KIF13A: variants seen among roughly 807,000 people sequenced by gnomAD.
KIF13A encodes the protein kinesin family member 13A, also known as kinesin-like protein KIF13A.
KIF13A carries 79 observed loss-of-function variants against 212.2 expected under a neutral mutation model. The ratio of observed to expected loss-of-function variants is 0.37; its 90% CI spans 0.31 to 0.45. The LOEUF is 0.45. Ranked by LOEUF, KIF13A falls within the 20% of genes least tolerant of loss-of-function variation. The pLI is 1.00. For missense variants in KIF13A, 1,901 were observed against 2,209.0 expected (o/e 0.86, Z 2.79); for synonymous variants, 789 against 808.6 (o/e 0.98, Z 0.41).
chr6:17,925,140 G>A (rs1008106492), intron 2 of KIF13A, among the ~76,000 whole-genome samples: 2 of 152,184 alleles, frequency 1.3e-5, no homozygotes, highest in Admixed American at 6.5e-5. Context: ...ATATCCAAGC[G>A]GAGGGACAGA....
chr6:17,979,037 C>T (rs1479785968), intron 2 of KIF13A, among the ~76,000 whole-genome samples: 2 of 152,186 alleles, frequency 1.3e-5, no homozygotes, highest in African/African-American at 4.8e-5. Context: ...GTAATCCCAG[C>T]ACTTTGGGAG....
Position 17,855,386 on chromosome 6 carries a change from T to C in KIF13A, c.494+51A>G. The C allele has an allele frequency of 7.4e-7, 1 of 1,348,862 alleles. No homozygotes were observed. Among genetic ancestry groups the C allele is most frequent in the African/African-American group, 1.5e-5 (1 of 68,262 alleles). 83.6% of individuals were successfully genotyped at this position (1,348,862 alleles called of 1,614,324 possible). On this transcript the variant is annotated intron_variant, in intron 6 of 38. Coordinates refer to ENST00000259711, the MANE Select transcript of KIF13A (RefSeq NM_022113.6). The surrounding 1 kb of genome is among the most constrained non-coding windows in gnomAD (Gnocchi z 4.1). ...ACTTCCAATTTTAACTTTAGAATCA[T>C]TTAAAATTATCTCCCCCTATTAACA...
At chr6:17,801,213 C>T (rs146084291) in intron 20 of KIF13A, among the ~76,000 whole-genome samples, 45 of 152,000 alleles carry the variant, frequency 3.0e-4, no homozygotes, top group African/African-American at 1.0e-3. Flanking sequence ...ACTAACAGGC[C>T]AGGCGTGGTG....
In KIF13A at chr6:17,872,581, T is replaced by C. The variant is rs571036822; in HGVS notation, c.220+796A>G. ...TTAGCCATTCCATAATATATACATATTTCAAAACATCACACTGTACATGAT... is the reference window on the plus strand; with the variant it reads ...TTAGCCATTCCATAATATATACATACTTCAAAACATCACACTGTACATGAT... On this transcript the variant is annotated intron_variant, in intron 4 of 38. Transcript: ENST00000259711. This position sits in a 1 kb window ranked among gnomAD's most constrained non-coding sequence, Gnocchi z 4.7. Among the ~76,000 whole-genome samples, 1 of 152,386 alleles carries C rather than the reference T, an allele frequency of 6.6e-6. No individual in the cohort carries two copies. Among genetic ancestry groups the C allele is most frequent in the African/African-American group, 2.4e-5 (1 of 41,596 alleles).
chr6:17,794,066 T>G lies in KIF13A; in HGVS notation c.3222+183A>C, dbSNP rs1284984287. Among the ~76,000 whole-genome samples, 1 of 152,130 alleles carries G rather than the reference T, an allele frequency of 6.6e-6. No individual in the cohort carries two copies. Among genetic ancestry groups the G allele is most frequent in the Non-Finnish European group, 1.5e-5 (1 of 68,024 alleles). ...AGGATGCGTGTGTTTATAAATAAAA[T>G]TATTATTAACTGACACTAAGCAAAC... On this transcript the variant is annotated intron_variant, in intron 25 of 38. Coordinates refer to ENST00000259711, the MANE Select transcript of KIF13A (RefSeq NM_022113.6). The surrounding 1 kb of genome is among the most constrained non-coding windows in gnomAD (Gnocchi z 4.1).
At chr6:17,792,609 G>A (rs1211368835) in intron 25 of KIF13A, among the ~76,000 whole-genome samples, 3 of 152,058 alleles carry the variant, frequency 2.0e-5, no homozygotes, top group Admixed American at 6.6e-5. Context: ...CCTGCTCCAC[G>A]GGCTGCACAC....
chr6:17,790,905 AT>A (rs1761478893), intron 25 of KIF13A, among the ~76,000 whole-genome samples: 1 of 152,234 alleles, frequency 6.6e-6, no homozygotes, highest in Non-Finnish European at 1.5e-5. Context: ...ACAGGGCAAC[AT>A]TGTAAAATAA....
At chr6:17,960,767 T>C (rs1312879618) in intron 2 of KIF13A, among the ~76,000 whole-genome samples, 1 of 152,204 alleles carries the variant, frequency 6.6e-6, no homozygotes, top group Non-Finnish European at 1.5e-5. Flanking sequence ...ATGTAAAGAA[T>C]TGTGGTGTCT....
At chr6:17,780,562 T>C (rs548816764) in intron 31 of KIF13A, among the ~76,000 whole-genome samples, 168 bp downstream of exon 31, 2 of 152,240 alleles carry the variant, frequency 1.3e-5, no homozygotes, top group East Asian at 3.9e-4. Context: ...CATTGACCTC[T>C]GCTATCCTAA....
At chr6:17,868,096 T>C (rs1459041529) in intron 4 of KIF13A, among the ~76,000 whole-genome samples, 1 of 152,240 alleles carries the variant, frequency 6.6e-6, no homozygotes, top group African/African-American at 2.4e-5. Context: ...TTCAGCACAT[T>C]TGAGCAACAT....
chr6:17,984,421 A>G lies in KIF13A; in HGVS notation c.146+2633T>C, dbSNP rs1003510. On this transcript the variant is annotated intron_variant, in intron 2 of 38. Transcript: ENST00000259711. The surrounding 1 kb of genome is among the most constrained non-coding windows in gnomAD (Gnocchi z 5.0). ...TGTTTCAGAATGGTGATCAGTATAC[A>G]TATCAACTACTAACCTGGACCTATG... 1,175 of 559,654 alleles carry G rather than the reference A, an allele frequency of 2.1e-3. 13 individuals carry two copies. The African/African-American group carries it at 0.022, about 11-fold the overall frequency. The allele number at this position is 559,654 out of a possible 1,614,324, so 34.7% of individuals were successfully genotyped here.
intron 2 of KIF13A, among the ~76,000 whole-genome samples, chr6:17,917,795 A>G (rs1171309836): frequency 6.6e-6 from 1 of 152,224 alleles, no homozygotes; most frequent in African/African-American, 2.4e-5. Context: ...GCCTTAATGC[A>G]CTTGGGATAA....
At chr6:17,818,753 T>A (rs1053825120) in intron 16 of KIF13A, among the ~76,000 whole-genome samples, 1 of 151,938 alleles carries the variant, frequency 6.6e-6, no homozygotes, top group Non-Finnish European at 1.5e-5. Context: ...AGCTACAAAG[T>A]GACAGGGTCA....
intron 3 of KIF13A, among the ~76,000 whole-genome samples, chr6:17,890,654 G>C (rs190161524): frequency 6.7e-6 from 1 of 150,292 alleles, no homozygotes; most frequent in Non-Finnish European, 1.5e-5. Flanking sequence ...AAAGAGACAA[G>C]GTCTTGCTGT....
chr6:17,885,768 A>C (rs140354817), intron 3 of KIF13A, among the ~76,000 whole-genome samples: 220 of 152,344 alleles, frequency 1.4e-3, no homozygotes, highest in African/African-American at 5.0e-3. Context: ...CACATAAACT[A>C]GTGGTGCATA....
At chr6:17,836,681 G>C (rs909403551) in intron 11 of KIF13A, among the ~76,000 whole-genome samples, 197 bp downstream of exon 11, 1 of 152,250 alleles carries the variant, frequency 6.6e-6, no homozygotes, top group South Asian at 2.1e-4. Flanking sequence ...CAAGGGGGAA[G>C]TTCGCCCCCA....
chr6:17,929,557 T>G (rs12661175), intron 2 of KIF13A, among the ~76,000 whole-genome samples: 1 of 151,320 alleles, frequency 6.6e-6, no homozygotes, highest in Non-Finnish European at 1.5e-5. Flanking sequence ...CCCGCCACCA[T>G]GCCCGGCTAA....
intron 18 of KIF13A, among the ~76,000 whole-genome samples, chr6:17,808,177 G>A (rs566696916): frequency 2.0e-4 from 30 of 152,326 alleles, no homozygotes; most frequent in African/African-American, 7.0e-4. Flanking sequence ...TCTGAACCCA[G>A]GAGTTCAAGA....
At position 17,849,504 on chromosome 6, in the gene KIF13A, C is replaced by CGA; in HGVS notation, c.718-17_718-16dup. ...TCCCCGGAATTCTAGTTATAGGAAACGAGAGAGAGAAGAAAAACTTATCAA... is the reference window on the plus strand; with the variant it reads ...TCCCCGGAATTCTAGTTATAGGAAACGAGAGAGAGAGAAGAAAAACTTATCAA... On this transcript the variant is annotated splice_polypyrimidine_tract_variant and intron_variant, in intron 8 of 38. Transcript: ENST00000259711. This position sits in a 1 kb window ranked among gnomAD's most constrained non-coding sequence, Gnocchi z 5.7. The CGA allele has an allele frequency of 6.3e-7, 1 of 1,590,910 alleles. No individual in the cohort carries two copies. Among genetic ancestry groups the CGA allele is most frequent in the Non-Finnish European group, 8.6e-7 (1 of 1,161,382 alleles).
Sources: allele counts gnomAD v4.1 joint callset (sites outside exome capture counted in the v4.1 genomes callset), GRCh38; gene constraint gnomAD v4.1.1; non-coding constraint Gnocchi (gnomAD v3.1); transcripts MANE v1.5; gene names NCBI Gene and HGNC (gene_info 2026-07-23, HGNC 2026-07-21).